The following ZFAND3 variants were observed in gnomAD, a reference collection of about 807,000 sequenced individuals.
ZFAND3 encodes zinc finger AN1-type containing 3.
In ZFAND3, 10 loss-of-function variants were observed where a neutral mutation model predicts 29.6. That is an observed-to-expected ratio of 0.34 (90% confidence interval 0.21 to 0.57). The LOEUF is 0.57. ZFAND3 is among the 20% of genes least tolerant of loss of function. ZFAND3 has a pLI of 0.86. For synonymous variants in ZFAND3, 128 were observed against 112.6 expected (o/e 1.14, Z -0.87); for missense variants, 230 against 304.5 (o/e 0.76, Z 1.82).
intron 4 of ZFAND3, among the ~76,000 whole-genome samples, chr6:38,111,153 G>A (rs1765307888): frequency 1.3e-5 from 2 of 152,162 alleles, no homozygotes; most frequent in African/African-American, 4.8e-5. Flanking sequence ...TACTTTCTGA[G>A]ACTGGCTAGG....
chr6:37,883,902 A>G (rs998277937), intron 1 of ZFAND3, among the ~76,000 whole-genome samples: 2 of 144,970 alleles, frequency 1.4e-5, no homozygotes, highest in East Asian at 3.9e-4. Context: ...TTCATAATGT[A>G]TGTTCAGGAG....
At chr6:38,081,254 T>C (rs941469757) in intron 3 of ZFAND3, among the ~76,000 whole-genome samples, 3 of 152,122 alleles carry the variant, frequency 2.0e-5, no homozygotes, top group Non-Finnish European at 4.4e-5. Flanking sequence ...GCAGTGCACT[T>C]ACTTGGTTTT....
At chr6:38,110,669 A>G (rs1562003277) in intron 4 of ZFAND3, among the ~76,000 whole-genome samples, 1 of 152,228 alleles carries the variant, frequency 6.6e-6, no homozygotes, top group African/African-American at 2.4e-5. Flanking sequence ...AAACTGATTG[A>G]GTACCTCAAG....
intron 1 of ZFAND3, among the ~76,000 whole-genome samples, chr6:37,845,243 T>C (rs1764156934): frequency 6.6e-6 from 1 of 152,134 alleles, no homozygotes. Context: ...CAAGTGGCAA[T>C]CTTGGGAGGC....
chr6:38,047,006 A>G (rs1763916317), intron 2 of ZFAND3, among the ~76,000 whole-genome samples: 2 of 152,080 alleles, frequency 1.3e-5, no homozygotes, highest in African/African-American at 4.8e-5. Flanking sequence ...TAGTATTATA[A>G]TTAGTAATGG....
chr6:38,149,368 C>T (rs1766174030), intron 5 of ZFAND3, among the ~76,000 whole-genome samples: 1 of 148,178 alleles, frequency 6.7e-6, no homozygotes, highest in South Asian at 2.1e-4. Flanking sequence ...GCTAGGATCG[C>T]ACCACAGCGC....
At chr6:38,099,062 A>AT (rs1396062092) in intron 4 of ZFAND3, among the ~76,000 whole-genome samples, 1 of 151,960 alleles carries the variant, frequency 6.6e-6, no homozygotes, top group Non-Finnish European at 1.5e-5. Context: ...AAATATTCCT[A>AT]TTTCCTGAGG....
At chr6:38,018,522 A>G (rs974893714) in intron 2 of ZFAND3, among the ~76,000 whole-genome samples, 4 of 152,112 alleles carry the variant, frequency 2.6e-5, no homozygotes, top group Non-Finnish European at 2.9e-5. Context: ...CCTGATCCCC[A>G]TCCACACATT....
At chr6:37,971,271 G>T (rs914426500) in intron 2 of ZFAND3, among the ~76,000 whole-genome samples, 9 of 152,086 alleles carry the variant, frequency 5.9e-5, no homozygotes, top group African/African-American at 2.2e-4. Flanking sequence ...CCCTCTTATT[G>T]TATATACTGA....
At chr6:37,832,524 G>T (rs976872607) in intron 1 of ZFAND3, among the ~76,000 whole-genome samples, 3 of 152,208 alleles carry the variant, frequency 2.0e-5, no homozygotes, top group Admixed American at 6.5e-5. Flanking sequence ...TTCTTAAGTT[G>T]AAGTGATTCA....
At chr6:37,824,044 G>C (rs965527077) in intron 1 of ZFAND3, among the ~76,000 whole-genome samples, 2 of 152,166 alleles carry the variant, frequency 1.3e-5, no homozygotes. Flanking sequence ...CCAAAGTGCT[G>C]GGATTACCGG....
At chr6:37,929,902 T>A in intron 1 of ZFAND3, 57 bp from the exon 2 acceptor site, 1 of 1,510,796 alleles carries the variant, frequency 6.6e-7, no homozygotes, top group Non-Finnish European at 8.9e-7. Context: ...ATGTTTTGAT[T>A]AGAGTGATAT....
intron 4 of ZFAND3, among the ~76,000 whole-genome samples, chr6:38,101,713 G>C (rs533064585): frequency 6.7e-6 from 1 of 148,420 alleles, no homozygotes; most frequent in Admixed American, 6.8e-5. Context: ...GGTGGAGGTT[G>C]CGGTGAGCGG....
intron 1 of ZFAND3, among the ~76,000 whole-genome samples, chr6:37,847,586 A>G (rs1764205312): frequency 6.6e-6 from 1 of 152,130 alleles, no homozygotes; most frequent in Non-Finnish European, 1.5e-5. Flanking sequence ...TTAGACAATC[A>G]GAGTACTATT....
At chr6:37,887,005 A>C (rs548141678) in intron 1 of ZFAND3, among the ~76,000 whole-genome samples, 1 of 152,252 alleles carries the variant, frequency 6.6e-6, no homozygotes, top group African/African-American at 2.4e-5. Context: ...ACCCTGTCTC[A>C]AAAAAAGAAC....
rs147932266 is a variant in ZFAND3, at chr6:37,832,131, T to C, written c.71+12115T>C. ...TAATTACAAAGGAAACCGGTTAGCC[T>C]GTGGACCATGGGAGCCTGTGGACCC... On this transcript the variant is annotated intron_variant, in intron 1 of 5. Transcript: ENST00000287218. Among the ~76,000 whole-genome samples the C allele has an allele frequency of 4.0e-3, 614 of 152,272 alleles. 14 individuals carry two copies. Among genetic ancestry groups the C allele is most frequent in the Admixed American group, 0.036 (555 of 15,286 alleles).
At chr6:37,948,852 A>G (rs1761946476) in intron 2 of ZFAND3, among the ~76,000 whole-genome samples, 1 of 152,180 alleles carries the variant, frequency 6.6e-6, no homozygotes, top group Non-Finnish European at 1.5e-5. Context: ...TATCCAGCCT[A>G]TCATTCTTGG....
intron 2 of ZFAND3, among the ~76,000 whole-genome samples, chr6:37,949,259 A>T (rs1304141370): frequency 6.6e-6 from 1 of 152,070 alleles, no homozygotes; most frequent in Non-Finnish European, 1.5e-5. Context: ...TTGTCTTTTG[A>T]GAAGTGTCTG....
intron 1 of ZFAND3, among the ~76,000 whole-genome samples, chr6:37,871,758 T>G (rs1183912565): frequency 6.6e-6 from 1 of 152,334 alleles, no homozygotes; most frequent in African/African-American, 2.4e-5. Context: ...TTTTCCTGTT[T>G]CTTTAAATGT....
Sources: allele counts gnomAD v4.1 joint callset (sites outside exome capture counted in the v4.1 genomes callset), GRCh38; gene constraint gnomAD v4.1.1; transcripts MANE v1.5; gene names NCBI Gene and HGNC (gene_info 2026-07-23, HGNC 2026-07-21).